The following TRAF3 variants were observed in gnomAD, a reference collection of about 807,000 sequenced individuals.
TRAF3 encodes the protein TNF receptor-associated factor 3.
A neutral mutation model predicts 62.3 loss-of-function variants in TRAF3; 13 were observed. The ratio of observed to expected loss-of-function variants is 0.21; its 90% CI spans 0.14 to 0.33. The LOEUF (loss-of-function observed/expected upper bound fraction) is 0.33. TRAF3 is among the 10% of genes least tolerant of loss of function. The pLI is 1.00. For synonymous variants in TRAF3, 269 were observed against 283.4 expected (o/e 0.95, Z 0.51); for missense variants, 440 against 741.8 (o/e 0.59, Z 4.73).
At chr14:102,854,985 A>G (rs1019910011) in intron 2 of TRAF3, among the ~76,000 whole-genome samples, 6 of 152,218 alleles carry the variant, frequency 3.9e-5, no homozygotes, top group Admixed American at 3.3e-4. Context: ...ACCCATAAGC[A>G]GTGAGTCCCC....
At chr14:102,815,939 C>T (rs976977211) in intron 1 of TRAF3, among the ~76,000 whole-genome samples, 1 of 152,128 alleles carries the variant, frequency 6.6e-6, no homozygotes, top group Non-Finnish European at 1.5e-5. Context: ...TCCCTTGACA[C>T]ATGGGGATTA....
Position 102,892,946 on chromosome 14 carries a change from A to C in TRAF3, c.819+1529A>C, listed in dbSNP as rs79613025. On this transcript the variant is annotated intron_variant, in intron 9 of 11. Coordinates refer to ENST00000392745, the MANE Select transcript of TRAF3 (RefSeq NM_145725.3). ...ATAGAGCATCTGCTCTGAGTTCAAC[A>C]ATGGTTTACCTAGGAATCTTTTTTT... 1.8e-3 allele frequency among the ~76,000 whole-genome samples: 269 copies of C among 152,350 alleles called. 2 individuals are homozygous for C. Among genetic ancestry groups the C allele is most frequent in the African/African-American group, 6.0e-3 (248 of 41,586 alleles).
intron 2 of TRAF3, among the ~76,000 whole-genome samples, chr14:102,868,718 G>A (rs561570247): frequency 6.6e-6 from 1 of 152,358 alleles, no homozygotes; most frequent in South Asian, 2.1e-4. Flanking sequence ...CTTTAGGTAA[G>A]TGTTAGCAAA....
At chr14:102,874,467 C>T (rs980423547) in intron 4 of TRAF3, among the ~76,000 whole-genome samples, 1 of 151,982 alleles carries the variant, frequency 6.6e-6, no homozygotes, top group African/African-American at 2.4e-5. Context: ...CCGTGTTGGC[C>T]AGGCTGGTCT....
intron 2 of TRAF3, among the ~76,000 whole-genome samples, chr14:102,846,537 T>C (rs1466144280): frequency 1.3e-5 from 2 of 148,714 alleles, no homozygotes; most frequent in Non-Finnish European, 3.0e-5. Flanking sequence ...GCACAGTAGC[T>C]CATGCCTGTA....
At chr14:102,895,900 C>T (rs55692144) in intron 9 of TRAF3, among the ~76,000 whole-genome samples, 2,761 of 152,294 alleles carry the variant, frequency 0.018, 31 homozygotes, top group Non-Finnish European at 0.028. Context: ...GGCATCAGCT[C>T]TGCCTCTCCG....
At chr14:102,864,298 G>A (rs987713576) in intron 2 of TRAF3, among the ~76,000 whole-genome samples, 22 of 151,876 alleles carry the variant, frequency 1.4e-4, no homozygotes, top group African/African-American at 4.3e-4. Flanking sequence ...ACAGGCACCC[G>A]CCACCACGCC....
intron 1 of TRAF3, among the ~76,000 whole-genome samples, chr14:102,811,926 T>C (rs1277337300): frequency 2.6e-5 from 3 of 113,624 alleles, no homozygotes; most frequent in Non-Finnish European, 3.7e-5. Context: ...TTTTTTTTTT[T>C]TTTTTTTTTT....
intron 6 of TRAF3, 148 bp from the exon 7 acceptor site, chr14:102,886,041 T>C: frequency 1.5e-6 from 1 of 679,824 alleles, no homozygotes; most frequent in Non-Finnish European, 2.7e-6. Context: ...GTGACAATAA[T>C]GACTCAGCCA....
chr14:102,808,477 C>T (rs1405113501), intron 1 of TRAF3, among the ~76,000 whole-genome samples: 1 of 149,564 alleles, frequency 6.7e-6, no homozygotes, highest in Non-Finnish European at 1.5e-5. Flanking sequence ...TGTGCCACTG[C>T]ACTCCAGCCT....
At chr14:102,798,273 G>T (rs1210377473) in intron 1 of TRAF3, among the ~76,000 whole-genome samples, 1 of 151,232 alleles carries the variant, frequency 6.6e-6, no homozygotes, top group African/African-American at 2.4e-5. Context: ...CCAGGTTGGA[G>T]TGCAGTGGTG....
At chr14:102,904,682 C>T (rs927155877) in intron 11 of TRAF3, among the ~76,000 whole-genome samples, 22 of 151,460 alleles carry the variant, frequency 1.5e-4, no homozygotes, top group East Asian at 3.9e-4. Context: ...TGGTGGCGGG[C>T]GCCTGTAGTC....
intron 1 of TRAF3, among the ~76,000 whole-genome samples, chr14:102,781,847 C>T (rs929903501): frequency 6.7e-6 from 1 of 148,784 alleles, no homozygotes; most frequent in Admixed American, 6.7e-5. Flanking sequence ...GACTGAAGTG[C>T]AGTGGCGCGA....
chr14:102,789,594 ATGTG>A (rs56383846), intron 1 of TRAF3, among the ~76,000 whole-genome samples: 285 of 148,678 alleles, frequency 1.9e-3, no homozygotes, highest in African/African-American at 4.3e-3. Flanking sequence ...AAAAGGATAT[ATGTG>A]TGTGTGTGTG....
chr14:102,810,182 C>G (rs1899037588), intron 1 of TRAF3, among the ~76,000 whole-genome samples: 1 of 152,162 alleles, frequency 6.6e-6, no homozygotes, highest in Non-Finnish European at 1.5e-5. Context: ...AACCCCCTCC[C>G]CCCTACAACT....
intron 6 of TRAF3, among the ~76,000 whole-genome samples, chr14:102,885,111 C>G (rs1889299679): frequency 6.6e-6 from 1 of 152,228 alleles, no homozygotes; most frequent in Non-Finnish European, 1.5e-5. Flanking sequence ...TGCCGCAAAA[C>G]CACTGTGGGT....
intron 1 of TRAF3, among the ~76,000 whole-genome samples, chr14:102,829,526 G>A (rs1416166628): frequency 1.3e-5 from 2 of 152,180 alleles, no homozygotes; most frequent in Non-Finnish European, 2.9e-5. Context: ...CTGTGTAGAA[G>A]GGGCTGGCTC....
intron 1 of TRAF3, among the ~76,000 whole-genome samples, chr14:102,817,239 A>G (rs1227914621): frequency 6.6e-6 from 1 of 152,174 alleles, no homozygotes. Flanking sequence ...TTGAGCATCA[A>G]GCAGGATGGG....
chr14:102,879,000 G>A (rs894160501), intron 6 of TRAF3, among the ~76,000 whole-genome samples: 3 of 152,084 alleles, frequency 2.0e-5, no homozygotes, highest in Non-Finnish European at 4.4e-5. Flanking sequence ...TAGGTGTCCT[G>A]CCGAGGGGGT....
Sources: allele counts gnomAD v4.1 joint callset (sites outside exome capture counted in the v4.1 genomes callset), GRCh38; gene constraint gnomAD v4.1.1; transcripts MANE v1.5; gene names NCBI Gene and HGNC (gene_info 2026-07-23, HGNC 2026-07-21).